NCR1: variants seen among roughly 807,000 people sequenced by gnomAD.
The protein encoded by NCR1 is NK cell-activating receptor.
NCR1 carries 30 observed loss-of-function variants against 32.5 expected under a neutral mutation model. The ratio of observed to expected loss-of-function variants is 0.92; its 90% CI spans 0.69 to 1.25. The LOEUF (loss-of-function observed/expected upper bound fraction) is 1.25, where lower values mean the gene tolerates loss of function less well. Among genes scored for constraint, NCR1 ranks in the 50% most tolerant of loss-of-function variants. NCR1 has a pLI of 0.00. For missense variants in NCR1, 369 were observed against 380.7 expected (o/e 0.97, Z 0.26); for synonymous variants, 169 against 143.4 (o/e 1.18, Z -1.28).
At chr19:54,899,907 G>A in the NCR1 span, among the ~76,000 whole-genome samples, 174 of 152,268 alleles carry the variant, frequency 1.1e-3, no homozygotes, top group African/African-American at 3.5e-3. Flanking sequence ...AATAAAGCGC[G>A]TCTCCTGTCT....
the NCR1 span, among the ~76,000 whole-genome samples, chr19:54,898,309 T>C: frequency 2.6e-5 from 4 of 152,174 alleles, no homozygotes; most frequent in Non-Finnish European, 5.9e-5. Context: ...GCTGTGGACA[T>C]TCCTTGGCCC....
rs2067846295 is a variant in NCR1, at chr19:54,909,539, A to C, written c.634+16A>C. The C allele has an allele frequency of 6.3e-7, 1 of 1,596,648 alleles. No homozygotes were observed. The highest frequency in any genetic ancestry group is 8.5e-7 in the Non-Finnish European group (1 of 1,176,216). On this transcript the variant is annotated intron_variant, in intron 4 of 6. Coordinates refer to ENST00000291890, the MANE Select transcript of NCR1 (RefSeq NM_004829.7). ...CTGGTCACAGGTGAGGAAATGCTCA[A>C]TTCCCCACACCCTTCGCCGCCATGT... is the stretch of plus-strand genomic sequence containing the variant.
At chr19:54,926,915 TTAAAAAAAA>T in the NCR1 span, among the ~76,000 whole-genome samples, 1 of 130,880 alleles carries the variant, frequency 7.6e-6, no homozygotes. Flanking sequence ...GACTCTGTCT[TTAAAAAAAA>T]AAAAAAAAAA....
At chr19:54,919,105 C>T (rs1361470766), downstream of NCR1, among the ~76,000 whole-genome samples, 7 of 152,044 alleles carry the variant, frequency 4.6e-5, no homozygotes, top group Non-Finnish European at 1.0e-4. Context: ...AATAGTATTC[C>T]ATGGTACATA....
At chr19:54,906,094 G>A (rs1199304547), upstream of NCR1, 39 of 1,500,376 alleles carry the variant, frequency 2.6e-5, no homozygotes, top group Admixed American at 3.0e-4. Flanking sequence ...GGTGATGGGC[G>A]CTGGTGCTCA....
At chr19:54,907,366 G>T (rs1171988087) in intron 3 of NCR1, among the ~76,000 whole-genome samples, 1 of 150,230 alleles carries the variant, frequency 6.7e-6, no homozygotes, top group African/African-American at 2.4e-5. Context: ...GGCCAGGGTG[G>T]TGTCGAACTC....
the NCR1 span, chr19:54,933,472 T>C: frequency 6.7e-7 from 1 of 1,482,606 alleles, no homozygotes; most frequent in Non-Finnish European, 9.3e-7. Context: ...TCTTACCAGG[T>C]TTTTAAAAGT....
intron 3 of NCR1, among the ~76,000 whole-genome samples, chr19:54,908,527 C>T (rs953354084): frequency 4.3e-4 from 65 of 151,654 alleles, no homozygotes; most frequent in African/African-American, 1.5e-3. Context: ...GGGTGGCGGC[C>T]GGGCAGAGGG....
At chr19:54,903,467 TACAC>T (rs2067361874), upstream of NCR1, among the ~76,000 whole-genome samples, 9 of 137,044 alleles carry the variant, frequency 6.6e-5, 2 homozygotes, top group East Asian at 2.6e-3. Context: ...TATGTATGTA[TACAC>T]GGATACATGT....
At chr19:54,919,067 G>T (rs1374124926), downstream of NCR1, among the ~76,000 whole-genome samples, 1 of 151,814 alleles carries the variant, frequency 6.6e-6, no homozygotes, top group Non-Finnish European at 1.5e-5. Flanking sequence ...TGCTGGAAAT[G>T]ACATTATTTC....
At chr19:54,920,990 A>C (rs1016508081), downstream of NCR1, among the ~76,000 whole-genome samples, 3 of 152,112 alleles carry the variant, frequency 2.0e-5, no homozygotes, top group African/African-American at 7.2e-5. Context: ...CCACCACCCC[A>C]CCAAAAAAAA....
the NCR1 span, chr19:54,934,647 G>C: frequency 8.7e-6 from 14 of 1,613,456 alleles, no homozygotes; most frequent in Non-Finnish European, 1.1e-5. This position sits in a 1 kb window ranked among gnomAD's most constrained non-coding sequence, Gnocchi z 6.7. Flanking sequence ...GGGTGGCACA[G>C]TGACCTCCCA....
chr19:54,927,387 A>C, the NCR1 span, among the ~76,000 whole-genome samples: 6 of 151,914 alleles, frequency 3.9e-5, no homozygotes, highest in African/African-American at 1.2e-4. Flanking sequence ...GTCTCAAAAA[A>C]AAAAAAAGAA....
chr19:54,898,384 C>A, the NCR1 span, among the ~76,000 whole-genome samples: 1 of 152,190 alleles, frequency 6.6e-6, no homozygotes, highest in Non-Finnish European at 1.5e-5. Context: ...GAACCCCTGG[C>A]AGCTGCGGTT....
chr19:54,902,773 C>A (rs1021548125), upstream of NCR1, among the ~76,000 whole-genome samples: 15 of 152,108 alleles, frequency 9.9e-5, no homozygotes, highest in African/African-American at 3.1e-4. Flanking sequence ...AAAGAAAACA[C>A]CCAGAGTTAT....
upstream of NCR1, chr19:54,906,070 C>A (rs1271211452): frequency 7.8e-7 from 1 of 1,289,314 alleles, no homozygotes; most frequent in Non-Finnish European, 1.1e-6. Context: ...AAGCAGTCAA[C>A]GTGAAAGCGC....
At chr19:54,926,066 A>G in the NCR1 span, among the ~76,000 whole-genome samples, 3 of 151,900 alleles carry the variant, frequency 2.0e-5, no homozygotes, top group Non-Finnish European at 4.4e-5. Flanking sequence ...CCGTCTCAAA[A>G]AAAAATAAAA....
downstream of NCR1, chr19:54,913,238 T>G: frequency 6.2e-6 from 1 of 160,424 alleles, no homozygotes; most frequent in Non-Finnish European, 1.4e-5. Context: ...TTTGTATTTT[T>G]AGTGGAGACG....
downstream of NCR1, among the ~76,000 whole-genome samples, chr19:54,920,843 C>T (rs969563104): frequency 6.6e-6 from 1 of 152,052 alleles, no homozygotes; most frequent in Non-Finnish European, 1.5e-5. Context: ...CGGTGGCTCA[C>T]GCCTGTCATG....
Sources: allele counts gnomAD v4.1 joint callset (sites outside exome capture counted in the v4.1 genomes callset), GRCh38; gene constraint gnomAD v4.1.1; non-coding constraint Gnocchi (gnomAD v3.1); transcripts MANE v1.5; gene names NCBI Gene and HGNC (gene_info 2026-07-23, HGNC 2026-07-21).